LRRC4C: variants seen among roughly 807,000 people sequenced by gnomAD.
LRRC4C encodes leucine-rich repeat-containing protein 4C.
In LRRC4C, 5 loss-of-function variants were observed where a neutral mutation model predicts 33.6. The observed-to-expected ratio is 0.15, with a 90% CI of 0.08 to 0.31. The LOEUF is 0.31. Among genes scored for constraint, LRRC4C ranks in the 10% least tolerant of loss-of-function variants. LRRC4C has a pLI of 1.00. For missense variants in LRRC4C, 560 were observed against 796.7 expected, an observed-to-expected ratio of 0.70 and a Z score of 3.58; for synonymous variants, 329 against 302.0, an observed-to-expected ratio of 1.09 and a Z score of -0.93.
In LRRC4C at chr11:40,677,724, A is replaced by G. The variant is rs138410621; in HGVS notation, c.-406-29446T>C. On this transcript the variant is annotated intron_variant, in intron 2 of 6. Transcript: ENST00000528697. ...TAAAAACAGAAGAAAAACAAAACAC[A>G]GATTTTTCAGCCTTCACGTGGTGAA... Among the ~76,000 whole-genome samples the G allele has an allele frequency of 6.9e-3, 1,047 of 152,314 alleles. 19 individuals are homozygous for G. Among genetic ancestry groups the G allele is most frequent in the African/African-American group, 0.024 (1,007 of 41,576 alleles).
intron 2 of LRRC4C, among the ~76,000 whole-genome samples, chr11:40,803,621 T>C (rs1025125614): frequency 8.5e-5 from 13 of 152,150 alleles, no homozygotes; most frequent in African/African-American, 3.1e-4. Flanking sequence ...AATGAATTTA[T>C]TTATTTTTTT....
chr11:40,638,560 G>T (rs1394796197), intron 3 of LRRC4C, among the ~76,000 whole-genome samples: 1 of 152,114 alleles, frequency 6.6e-6, no homozygotes, highest in Non-Finnish European at 1.5e-5. Context: ...TGAAGCAGAT[G>T]GTGATTGCTA....
chr11:40,577,509 C>T (rs115561155), intron 3 of LRRC4C, among the ~76,000 whole-genome samples: 2,572 of 152,192 alleles, frequency 0.017, 90 homozygotes, highest in African/African-American at 0.058. Flanking sequence ...TTTTCTATAT[C>T]GGTAGTTCTT....
intron 1 of LRRC4C, among the ~76,000 whole-genome samples, chr11:41,257,385 A>G (rs572931221): frequency 6.6e-6 from 1 of 152,082 alleles, no homozygotes; most frequent in South Asian, 2.1e-4. Flanking sequence ...ATCACATTCC[A>G]CACAGAAATA....
chr11:40,291,520 G>C (rs753128443), intron 4 of LRRC4C, among the ~76,000 whole-genome samples: 1 of 152,166 alleles, frequency 6.6e-6, no homozygotes, highest in African/African-American at 2.4e-5. Flanking sequence ...CAGTTAGAAG[G>C]GGGTGGAGTT....
intron 2 of LRRC4C, among the ~76,000 whole-genome samples, chr11:40,715,494 A>G (rs1449147837): frequency 6.6e-6 from 1 of 152,192 alleles, no homozygotes; most frequent in Non-Finnish European, 1.5e-5. Flanking sequence ...TTATCTAGAA[A>G]TATTGAATGT....
At chr11:40,473,211 C>T (rs147870163) in intron 3 of LRRC4C, among the ~76,000 whole-genome samples, 21,417 of 152,222 alleles carry the variant, frequency 0.14, 1,588 homozygotes, top group Non-Finnish European at 0.15. Flanking sequence ...CAATAAAATA[C>T]TGGCAAACCA....
At chr11:40,741,096 C>A (rs763558818) in intron 2 of LRRC4C, among the ~76,000 whole-genome samples, 2 of 151,918 alleles carry the variant, frequency 1.3e-5, no homozygotes, top group Non-Finnish European at 2.9e-5. Context: ...TTTTCTTCTG[C>A]AGACCTTTCT....
intron 3 of LRRC4C, among the ~76,000 whole-genome samples, chr11:40,387,746 T>C (rs936414681): frequency 6.6e-6 from 1 of 152,328 alleles, no homozygotes; most frequent in Non-Finnish European, 1.5e-5. Flanking sequence ...TCCAGGTTAA[T>C]GAATAAACTC....
intron 1 of LRRC4C, among the ~76,000 whole-genome samples, chr11:40,961,038 T>C (rs1379249101): frequency 2.0e-5 from 3 of 151,692 alleles, no homozygotes; most frequent in Non-Finnish European, 4.4e-5. Context: ...TGATGCTTGA[T>C]GAAAGTGTGT....
At chr11:40,563,457 T>C (rs1191296962) in intron 3 of LRRC4C, among the ~76,000 whole-genome samples, 1 of 152,186 alleles carries the variant, frequency 6.6e-6, no homozygotes, top group Non-Finnish European at 1.5e-5. Context: ...GGGATGATTA[T>C]GATTAAATCG....
intron 3 of LRRC4C, among the ~76,000 whole-genome samples, chr11:40,474,805 T>G (rs936241580): frequency 6.6e-6 from 1 of 152,140 alleles, no homozygotes; most frequent in East Asian, 1.9e-4. Context: ...AGAAAAGACA[T>G]TTATGTGGCC....
intron 5 of LRRC4C, among the ~76,000 whole-genome samples, chr11:40,155,656 A>G (rs537628344): frequency 6.6e-6 from 1 of 152,174 alleles, no homozygotes; most frequent in Non-Finnish European, 1.5e-5. Flanking sequence ...TTAAATGAGG[A>G]AGAATCAGAT....
chr11:40,476,628 G>A (rs987620409), intron 3 of LRRC4C, among the ~76,000 whole-genome samples: 6 of 152,120 alleles, frequency 3.9e-5, no homozygotes, highest in South Asian at 2.1e-4. Flanking sequence ...ACAGGCGTAA[G>A]CCACCACGCC....
chr11:40,767,592 A>T (rs1162506110), intron 2 of LRRC4C, among the ~76,000 whole-genome samples: 6 of 152,124 alleles, frequency 3.9e-5, no homozygotes, highest in Non-Finnish European at 7.4e-5. Flanking sequence ...AAGTCTTAGG[A>T]AATTCAGAAA....
At chr11:40,151,070 T>C (rs1476680379) in intron 5 of LRRC4C, among the ~76,000 whole-genome samples, 1 of 152,206 alleles carries the variant, frequency 6.6e-6, no homozygotes, top group Non-Finnish European at 1.5e-5. Flanking sequence ...CCTCCCTAGC[T>C]ATTCTTAGGC....
rs557259535 is a variant in LRRC4C, at chr11:41,243,056, C to T, written c.-496+216375G>A. ...AAAATTATGACCCTCTGTTAAACTC[C>T]GAAGTGTCTTCTTTCAGGCATCAAA... On this transcript the variant is annotated intron_variant, in intron 1 of 6. Transcript: ENST00000528697. Among the ~76,000 whole-genome samples, 107 of 152,234 alleles carry T rather than the reference C, an allele frequency of 7.0e-4. 1 individual carries two copies. The highest frequency in any genetic ancestry group is 2.5e-3 in the African/African-American group (105 of 41,570).
intron 3 of LRRC4C, among the ~76,000 whole-genome samples, chr11:40,454,681 T>A (rs1282957686): frequency 6.6e-6 from 1 of 152,170 alleles, no homozygotes; most frequent in African/African-American, 2.4e-5. Context: ...GCCTTCTACA[T>A]CCATATCTGA....
chr11:40,907,300 T>G (rs1482175803), intron 2 of LRRC4C, among the ~76,000 whole-genome samples: 1 of 152,202 alleles, frequency 6.6e-6, no homozygotes, highest in Non-Finnish European at 1.5e-5. Flanking sequence ...CATCTTCAGA[T>G]GGAGTCTCTC....
Sources: gnomAD v4.1 joint callset for allele counts (sites outside exome capture counted in the v4.1 genomes callset) on GRCh38, gnomAD v4.1.1 for gene constraint, MANE v1.5 for transcripts, NCBI Gene and HGNC (gene_info 2026-07-23, HGNC 2026-07-21) for gene names.